Variants in HLCS observed in about 807,000 individuals in gnomAD.
HLCS encodes the protein biotin--protein ligase.
Under a neutral mutation model 75.0 loss-of-function variants are expected in HLCS, and 53 were observed. The ratio of observed to expected loss-of-function variants is 0.71; its 90% CI spans 0.57 to 0.89. The LOEUF is 0.89. HLCS is among the 40% of genes least tolerant of loss of function. HLCS has a pLI of 0.00. For synonymous variants in HLCS, 431 were observed against 428.6 expected (o/e 1.01, Z -0.07); for missense variants, 966 against 1,074.0 (o/e 0.90, Z 1.41).
rs1569149913 is a variant in HLCS, at chr21:36,888,479, TATATATATATA to T, written c.1892+8370_1892+8380del. On this transcript the variant is annotated intron_variant, in intron 6 of 10. Transcript: ENST00000674895. Reference sequence around the variant, plus strand: ...ATATATATATATATATATATATATATATATATATATATATATATTTATTTATTTATTTTATG... The same window carrying T: ...ATATATATATATATATATATATATATTATATATTTATTTATTTATTTTATG... Among the ~76,000 whole-genome samples, 215 of 127,530 alleles carry T rather than the reference TATATATATATA, an allele frequency of 1.7e-3. 4 individuals are homozygous for T. The highest frequency in any genetic ancestry group is 2.3e-3 in the Non-Finnish European group (143 of 61,588). The allele number at this position is 127,530 out of a possible 152,430, so 83.7% of individuals were successfully genotyped here.
At chr21:36,868,389 T>A (rs978662477) in intron 6 of HLCS, among the ~76,000 whole-genome samples, 1 of 151,806 alleles carries the variant, frequency 6.6e-6, no homozygotes, top group African/African-American at 2.4e-5. Context: ...GAGGTGGGAA[T>A]GAGAGAAAGG....
chr21:36,845,124 G>T (rs538744041), intron 6 of HLCS, among the ~76,000 whole-genome samples: 1 of 151,734 alleles, frequency 6.6e-6, no homozygotes, highest in East Asian at 1.9e-4. Flanking sequence ...GTCCATTTTT[G>T]ATTGTTATTC....
At chr21:36,837,644 T>C (rs1018153618) in intron 6 of HLCS, among the ~76,000 whole-genome samples, 1 of 152,196 alleles carries the variant, frequency 6.6e-6, no homozygotes, top group Non-Finnish European at 1.5e-5. Flanking sequence ...AAAATTATTT[T>C]CTTAGTAAGG....
chr21:36,899,068 A>AAAGG (rs1393231200), intron 5 of HLCS, among the ~76,000 whole-genome samples: 1 of 152,162 alleles, frequency 6.6e-6, no homozygotes, highest in Non-Finnish European at 1.5e-5. Flanking sequence ...CTCAAGAAAA[A>AAAGG]AAGGAAGTAC....
Position 36,779,514 on chromosome 21 carries a change from G to T in HLCS, c.1893-12229C>A, listed in dbSNP as rs572845116. Among the ~76,000 whole-genome samples, 30 of 152,012 alleles carry T rather than the reference G, an allele frequency of 2.0e-4. 1 individual carries two copies. The highest frequency in any genetic ancestry group is 7.0e-4 in the African/African-American group (29 of 41,434). On this transcript the variant is annotated intron_variant, in intron 6 of 10. Transcript: ENST00000674895. ...TCTTTCTCCAATAGTGGGAAATCTG[G>T]CTTGCATTATCTACACTATTTATTC...
At chr21:36,905,246 T>C (rs1470647556) in intron 5 of HLCS, among the ~76,000 whole-genome samples, 1 of 152,194 alleles carries the variant, frequency 6.6e-6, no homozygotes, top group Admixed American at 6.5e-5. Context: ...GCATTTACTG[T>C]ATAAATGCAC....
At chr21:36,908,700 AG>A (rs2146386732) in intron 5 of HLCS, among the ~76,000 whole-genome samples, 1 of 152,346 alleles carries the variant, frequency 6.6e-6, no homozygotes, top group African/African-American at 2.4e-5. Flanking sequence ...AGGAATAAAA[AG>A]TAATGGGCTA....
intron 2 of HLCS, among the ~76,000 whole-genome samples, chr21:36,954,223 T>A (rs2067809500): frequency 6.7e-6 from 1 of 149,836 alleles, no homozygotes; most frequent in East Asian, 2.0e-4. Flanking sequence ...GGAGAATCAC[T>A]TGAACCCGGG....
chr21:36,901,534 GA>G (rs1371108586), intron 5 of HLCS, among the ~76,000 whole-genome samples: 2 of 152,220 alleles, frequency 1.3e-5, no homozygotes, highest in Non-Finnish European at 2.9e-5. Flanking sequence ...AGTCAAAAAT[GA>G]ACACGTCAAC....
At chr21:36,888,412 G>T (rs540683166) in intron 6 of HLCS, among the ~76,000 whole-genome samples, 1 of 123,986 alleles carries the variant, frequency 8.1e-6, no homozygotes, top group Admixed American at 9.4e-5. Context: ...TCCCCAATGC[G>T]ATCCTGCCCC....
chr21:36,788,355 G>GGGAC (rs1467990716), intron 6 of HLCS, among the ~76,000 whole-genome samples: 2 of 152,204 alleles, frequency 1.3e-5, no homozygotes, highest in African/African-American at 4.8e-5. Flanking sequence ...GTCAATGGTG[G>GGGAC]GGACCTCAGT....
At chr21:36,795,400 A>T (rs1256835375) in intron 6 of HLCS, among the ~76,000 whole-genome samples, 3 of 152,214 alleles carry the variant, frequency 2.0e-5, no homozygotes, top group Non-Finnish European at 4.4e-5. Flanking sequence ...TACTTTCTTA[A>T]TATAATCAAA....
At position 36,750,421 on chromosome 21, in the gene HLCS, C is replaced by A. The variant is rs2089330156; in HGVS notation, c.*3825G>T. On this transcript the variant is annotated 3_prime_UTR_variant, in exon 11 of 11. Transcript: ENST00000674895. ...ATTCATACCTTTGTAGAGCAGTGGG[C>A]TGGGTGTGGAGGGCAGCGCGGAGGG... 6.6e-6 allele frequency among the ~76,000 whole-genome samples: 1 copy of A among 152,176 alleles called. No homozygotes were observed. The highest frequency in any genetic ancestry group is 1.5e-5 in the Non-Finnish European group (1 of 68,028).
At chr21:36,979,826 G>C (rs983174024) in intron 1 of HLCS, among the ~76,000 whole-genome samples, 2 of 151,944 alleles carry the variant, frequency 1.3e-5, no homozygotes, top group African/African-American at 4.8e-5. Flanking sequence ...GGAGGCAAAA[G>C]CGGGCAAATC....
intron 1 of HLCS, among the ~76,000 whole-genome samples, chr21:36,963,424 C>T (rs58365567): frequency 0.2 from 30,353 of 152,084 alleles, 3,274 homozygotes; most frequent in East Asian, 0.34. Flanking sequence ...GGAGAATTTG[C>T]CCCTCCCTCA....
intron 4 of HLCS, 52 bp from the exon 5 acceptor site, chr21:36,930,485 G>T: frequency 1.4e-6 from 2 of 1,386,794 alleles, no homozygotes; most frequent in Non-Finnish European, 2.0e-6. Flanking sequence ...CAGGCAATGA[G>T]AAAAACAGTT....
At chr21:36,898,794 C>T (rs1191054730) in intron 5 of HLCS, among the ~76,000 whole-genome samples, 4 of 151,930 alleles carry the variant, frequency 2.6e-5, no homozygotes, top group Non-Finnish European at 5.9e-5. Flanking sequence ...GGCGCAGTGG[C>T]TCACACCTGT....
At chr21:36,888,916 C>T (rs976221244) in intron 6 of HLCS, among the ~76,000 whole-genome samples, 2 of 152,044 alleles carry the variant, frequency 1.3e-5, no homozygotes, top group Non-Finnish European at 2.9e-5. Context: ...AACAAAACAC[C>T]ACACATCGCT....
chr21:36,778,920 T>TG (rs1400796891), intron 6 of HLCS, among the ~76,000 whole-genome samples: 3 of 152,182 alleles, frequency 2.0e-5, no homozygotes, highest in Non-Finnish European at 4.4e-5. Flanking sequence ...AGGCTCATCT[T>TG]GAACTTTCTC....
Sources: gnomAD v4.1 joint callset for allele counts (sites outside exome capture counted in the v4.1 genomes callset) on GRCh38, gnomAD v4.1.1 for gene constraint, MANE v1.5 for transcripts, NCBI Gene and HGNC (gene_info 2026-07-23, HGNC 2026-07-21) for gene names.